Variants in RFC1 observed in about 807,000 individuals in gnomAD.
RFC1 encodes replication factor C subunit 1.
RFC1 carries 37 observed loss-of-function variants against 137.4 expected under a neutral mutation model. The observed-to-expected ratio is 0.27, with a 90% confidence interval of 0.21 to 0.35. The LOEUF is 0.35. Ranked by LOEUF, RFC1 falls within the 10% of genes least tolerant of loss-of-function variation. The pLI, the probability that RFC1 is intolerant of heterozygous loss-of-function variation, is 1.00. For synonymous variants in RFC1, 429 were observed against 455.7 expected, an observed-to-expected ratio of 0.94 and a Z score of 0.75; for missense variants, 1,205 against 1,358.5, an observed-to-expected ratio of 0.89 and a Z score of 1.78.
chr4:39,358,342 G>A (rs1224688466), intron 1 of RFC1, among the ~76,000 whole-genome samples: 1 of 152,102 alleles, frequency 6.6e-6, no homozygotes, highest in African/African-American at 2.4e-5. Flanking sequence ...ATTTCTCTAG[G>A]CAATATTATT....
At chr4:39,292,944 C>T (rs17335521) in intron 22 of RFC1, among the ~76,000 whole-genome samples, 98 of 152,212 alleles carry the variant, frequency 6.4e-4, no homozygotes, top group Admixed American at 4.2e-3. Context: ...CGCACCCAGC[C>T]TGTATACGTA....
chr4:39,357,357 G>A (rs975826398), intron 1 of RFC1, among the ~76,000 whole-genome samples: 3 of 152,128 alleles, frequency 2.0e-5, no homozygotes, highest in Non-Finnish European at 4.4e-5. Flanking sequence ...TTTAGACTAC[G>A]CATTCAATGA....
chr4:39,298,987 T>C (rs1269714827), intron 21 of RFC1, among the ~76,000 whole-genome samples: 1 of 152,116 alleles, frequency 6.6e-6, no homozygotes, highest in African/African-American at 2.4e-5. Flanking sequence ...TCTGCAGCAC[T>C]GTGACATGTT....
At chr4:39,323,479 TAA>T in intron 6 of RFC1, 62 bp from the exon 7 acceptor site, 2 of 1,335,316 alleles carry the variant, frequency 1.5e-6, no homozygotes, top group Non-Finnish European at 2.1e-6. Flanking sequence ...ATAGAATTTT[TAA>T]ATGTCTGATT....
intron 1 of RFC1, among the ~76,000 whole-genome samples, chr4:39,365,774 A>G (rs17334631): frequency 1.3e-5 from 2 of 152,110 alleles, no homozygotes; most frequent in Admixed American, 6.5e-5. Context: ...CTGAGCTGTT[A>G]ATGATAAAAG....
intron 16 of RFC1, 75 bp downstream of exon 16, chr4:39,302,985 G>A: frequency 2.0e-6 from 3 of 1,463,688 alleles, no homozygotes; most frequent in South Asian, 2.3e-5. Context: ...ACTGCCCTAA[G>A]TATGAGAGAA....
chr4:39,295,353 G>A (rs1306706890), intron 22 of RFC1, among the ~76,000 whole-genome samples: 1 of 152,092 alleles, frequency 6.6e-6, no homozygotes, highest in Non-Finnish European at 1.5e-5. Flanking sequence ...TCAGACTTAC[G>A]CAGTCTTTAA....
chr4:39,343,485 G>A (rs1740701342), intron 3 of RFC1, among the ~76,000 whole-genome samples: 2 of 152,126 alleles, frequency 1.3e-5, no homozygotes, highest in Admixed American at 1.3e-4. Flanking sequence ...ATCTCCCAGG[G>A]CACTTAAATA....
At chr4:39,299,285 A>T (rs1738209396) in intron 21 of RFC1, among the ~76,000 whole-genome samples, 1 of 152,122 alleles carries the variant, frequency 6.6e-6, no homozygotes, top group South Asian at 2.1e-4. Flanking sequence ...TACACGGGTA[A>T]ATCTCTGTTC....
intron 16 of RFC1, 92 bp from the exon 17 acceptor site, chr4:39,302,966 C>T (rs1738443298): frequency 4.8e-6 from 7 of 1,451,434 alleles, no homozygotes; most frequent in African/African-American, 1.4e-5. Context: ...TCCTCAGCAA[C>T]ATGCCTTAAC....
Position 39,313,943 on chromosome 4 carries a change from T to C in RFC1, c.1204-1012A>G, listed in dbSNP as rs561229368. Among the ~76,000 whole-genome samples the C allele has an allele frequency of 1.1e-3, 168 of 152,334 alleles. 1 individual carries two copies. The highest frequency in any genetic ancestry group is 4.0e-3 in the African/African-American group (165 of 41,586). On this transcript the variant is annotated intron_variant, in intron 10 of 24. Coordinates refer to ENST00000349703, the MANE Select transcript of RFC1 (RefSeq NM_002913.5). ...AGACATTAAATCTTAATTGGAACTA[T>C]GTTGAGTTATATATTTTTGCAATGG...
chr4:39,329,127 CAAAAAAAAAAAA>C (rs71594924), intron 4 of RFC1, among the ~76,000 whole-genome samples: 2 of 31,670 alleles, frequency 6.3e-5, no homozygotes, highest in Non-Finnish European at 9.5e-5. Context: ...CAGTGACTCA[CAAAAAAAAAAAA>C]AAAAAAAAAA....
intron 10 of RFC1, among the ~76,000 whole-genome samples, chr4:39,316,713 A>C (rs1739256652): frequency 6.6e-6 from 1 of 152,184 alleles, no homozygotes; most frequent in South Asian, 2.1e-4. Flanking sequence ...GCTACTTGTT[A>C]TTTAAAGGGA....
At position 39,300,063 on chromosome 4, in the gene RFC1, G is replaced by A. The variant is rs756891930; in HGVS notation, c.2766C>T (p.Ser922=). The change falls in exon 21 of 25, where the codon AGC becomes AGT. Residue 922 remains serine (S), a synonymous_variant. Transcript: ENST00000349703. ...TCCAGTTTTGCTTACTCCGGATCTG[G>A]CTGTCCACTAGGTCACCATCGCATA... ...DSICDGDLVD[S]QIRSKQNWSL... is the part of the protein sequence containing the mutation. 3.1e-6 allele frequency: 5 copies of A among 1,613,966 alleles called. No homozygotes were observed. In the African/African-American group the frequency reaches 4.0e-5, roughly 13 times the overall value.
chr4:39,297,896 C>T (rs1169542634), intron 21 of RFC1, among the ~76,000 whole-genome samples: 3 of 152,152 alleles, frequency 2.0e-5, no homozygotes, highest in Non-Finnish European at 4.4e-5. Context: ...GAGATTTTCT[C>T]CAACTTTTTG....
At chr4:39,290,685 T>G (rs988275908) in intron 23 of RFC1, among the ~76,000 whole-genome samples, 1 of 151,080 alleles carries the variant, frequency 6.6e-6, no homozygotes, top group African/African-American at 2.4e-5. Flanking sequence ...CGTGATGGAG[T>G]GCACCTGTAA....
Position 39,288,217 on chromosome 4 carries a change from C to G in RFC1, c.*544G>C, listed in dbSNP as rs1737476709. On this transcript the variant is annotated 3_prime_UTR_variant, in exon 25 of 25. Coordinates refer to ENST00000349703, the MANE Select transcript of RFC1 (RefSeq NM_002913.5). ...TCTTAAAAAGAATTTGTACACATAT[C>G]ATGTGGAACATTTTTATTCCTAATT... 6.6e-6 allele frequency: 1 copy of G among 152,126 alleles called. No homozygotes were observed. The highest frequency in any genetic ancestry group is 2.4e-5 in the African/African-American group (1 of 41,400). The allele number at this position is 152,126 out of a possible 1,614,324, so 9.4% of individuals were successfully genotyped here.
chr4:39,323,446 A>G, intron 6 of RFC1, 29 bp from the exon 7 acceptor site: 1 of 1,590,048 alleles, frequency 6.3e-7, no homozygotes, highest in Non-Finnish European at 8.6e-7. Flanking sequence ...AAGTGAGTTG[A>G]GTTGCTCTTT....
chr4:39,345,492 T>G lies in RFC1; in HGVS notation c.133-16A>C. The stretch of plus-strand genomic sequence containing the variant: ...AGCTATTTACCTATAAACATCACAA[T>G]ATAATTAGAACATAAAGAAGCCTAT... On this transcript the variant is annotated splice_polypyrimidine_tract_variant and intron_variant, in intron 2 of 24. Coordinates refer to ENST00000349703, the MANE Select transcript of RFC1 (RefSeq NM_002913.5). 1.9e-6 allele frequency: 3 copies of G among 1,589,602 alleles called. No homozygotes were observed. The South Asian group carries it at 3.4e-5, about 18-fold the overall frequency.
Sources: gnomAD v4.1 joint callset for allele counts (sites outside exome capture counted in the v4.1 genomes callset) on GRCh38, gnomAD v4.1.1 for gene constraint, MANE v1.5 for transcripts, NCBI Gene and HGNC (gene_info 2026-07-23, HGNC 2026-07-21) for gene names.